Variants in MKLN1 observed in about 807,000 individuals in gnomAD.
The protein encoded by MKLN1 is muskelin.
MKLN1 carries 18 observed loss-of-function variants against 99.0 expected under a neutral mutation model. The ratio of observed to expected loss-of-function variants is 0.18; its 90% CI spans 0.13 to 0.27. The LOEUF (loss-of-function observed/expected upper bound fraction) is 0.27, where lower values mean the gene tolerates loss of function less well. Ranked by LOEUF, MKLN1 falls within the 10% of genes least tolerant of loss-of-function variation. The pLI, the probability that MKLN1 is intolerant of heterozygous loss-of-function variation, is 1.00. For missense variants in MKLN1, 621 were observed against 875.9 expected (o/e 0.71, Z 3.67); for synonymous variants, 288 against 293.2 (o/e 0.98, Z 0.18).
rs190218842 is a variant in MKLN1, at chr7:131,162,742, G to C, written c.-297+19801G>C. On this transcript the variant is annotated intron_variant, in intron 2 of 7. Coordinates refer to the MKLN1 transcript ENST00000416992. ...AATAAGAGATGCTCAACCTGTACGT[G>C]TGAAATACACATTGGACTTCGAAAA... Among the ~76,000 whole-genome samples, 343 of 152,290 alleles carry C rather than the reference G, an allele frequency of 2.3e-3. 2 individuals are homozygous for C. The highest frequency in any genetic ancestry group is 7.9e-3 in the African/African-American group (329 of 41,568).
At chr7:131,141,996 G>A (rs1365761862) in intron 1 of MKLN1, among the ~76,000 whole-genome samples, 1 of 152,174 alleles carries the variant, frequency 6.6e-6, no homozygotes, top group Non-Finnish European at 1.5e-5. Context: ...TAAATTTCCG[G>A]CTGGGTGTGG....
chr7:131,469,508 C>A (rs1278980079), intron 15 of MKLN1, among the ~76,000 whole-genome samples: 3 of 152,140 alleles, frequency 2.0e-5, no homozygotes, highest in African/African-American at 7.2e-5. Context: ...ATGGTCTTTA[C>A]CTAAAGGACT....
At chr7:131,413,599 G>A (rs1794936457) in intron 7 of MKLN1, among the ~76,000 whole-genome samples, 1 of 151,936 alleles carries the variant, frequency 6.6e-6, no homozygotes, top group Non-Finnish European at 1.5e-5. Flanking sequence ...GAGTGCAGTG[G>A]TGCAAACTCG....
chr7:131,270,632 T>G (rs927595128), intron 3 of MKLN1, among the ~76,000 whole-genome samples: 2 of 152,236 alleles, frequency 1.3e-5, no homozygotes, highest in Non-Finnish European at 2.9e-5. Context: ...ATCTATTTAT[T>G]CATTTCTTTT....
At chr7:131,323,296 G>C (rs148471362), upstream of MKLN1, 1 of 152,294 alleles carries the variant, frequency 6.6e-6, no homozygotes, top group Non-Finnish European at 1.5e-5. Context: ...AGGAAAAGGA[G>C]GGTCTGGAGG....
chr7:131,177,311 CA>C (rs1328059310), intron 2 of MKLN1, among the ~76,000 whole-genome samples: 4 of 151,738 alleles, frequency 2.6e-5, no homozygotes, highest in African/African-American at 9.7e-5. Context: ...ACTGAAAATA[CA>C]AAAAAATTAG....
chr7:131,405,299 C>T (rs1349068267), intron 6 of MKLN1, among the ~76,000 whole-genome samples: 1 of 144,008 alleles, frequency 6.9e-6, no homozygotes, highest in East Asian at 2.0e-4. Context: ...TTGGTTTGTT[C>T]ATCTTTTCTG....
chr7:131,409,460 A>G (rs541888923), intron 6 of MKLN1, among the ~76,000 whole-genome samples: 18 of 152,294 alleles, frequency 1.2e-4, no homozygotes, highest in African/African-American at 4.3e-4. Context: ...GACTTTTTGC[A>G]AGAATTTTGA....
At chr7:131,118,206 C>G (rs1795307678) in intron 1 of MKLN1, among the ~76,000 whole-genome samples, 3 of 152,142 alleles carry the variant, frequency 2.0e-5, no homozygotes, top group Admixed American at 6.5e-5. Context: ...GCTGCCCTTC[C>G]CTTCTGCCAT....
intron 1 of MKLN1, among the ~76,000 whole-genome samples, chr7:131,136,008 C>T (rs1192690363): frequency 6.6e-6 from 1 of 152,108 alleles, no homozygotes; most frequent in Non-Finnish European, 1.5e-5. Flanking sequence ...TGGGATTACT[C>T]AGGCAGTAGG....
chr7:131,200,453 G>A (rs1403467769), intron 2 of MKLN1, among the ~76,000 whole-genome samples: 1 of 152,176 alleles, frequency 6.6e-6, no homozygotes, highest in Admixed American at 6.5e-5. Flanking sequence ...TACTGATTAT[G>A]CAAATGGCAG....
chr7:131,463,883 C>T (rs1286005359), intron 13 of MKLN1, among the ~76,000 whole-genome samples: 1 of 152,180 alleles, frequency 6.6e-6, no homozygotes. Context: ...CTTCAGAGAG[C>T]TTCTCCATTC....
rs1411082181 is a variant in MKLN1 at position 131,142,951 on chromosome 7, G to T, written c.-297+10G>T. 3.8e-6 allele frequency: 5 copies of T among 1,304,736 alleles called. No individual in the cohort carries two copies. The African/African-American group carries it at 7.6e-5, about 20-fold the overall frequency. 80.8% of individuals were successfully genotyped at this position (1,304,736 alleles called of 1,614,324 possible). On this transcript the variant is annotated intron_variant, in intron 2 of 7. Coordinates refer to the MKLN1 transcript ENST00000416992. ...TGGGGATTGGAATTCGGTAAGTGTT[G>T]ATGTTTTAGTTTTTTCTTTCTTTAG...
chr7:131,166,836 C>T (rs1796133534), intron 2 of MKLN1, among the ~76,000 whole-genome samples: 1 of 152,144 alleles, frequency 6.6e-6, no homozygotes, highest in Non-Finnish European at 1.5e-5. Context: ...CAGGTGCCCA[C>T]CACCATGCTG....
intron 17 of MKLN1, among the ~76,000 whole-genome samples, chr7:131,483,324 CCCT>C (rs1181468665): frequency 1.3e-5 from 2 of 152,074 alleles, no homozygotes; most frequent in African/African-American, 4.8e-5. Context: ...CTGTATTTTA[CCCT>C]CAAGTATAAT....
In MKLN1 at chr7:131,495,691, C is replaced by T. The variant is rs1468274343; in HGVS notation, c.*7963C>T. ...TGTCCCCCCACCCTTATTTATATTC[C>T]TTTGAGCATTGCCGTTTTCTAGACA... On this transcript the variant is annotated 3_prime_UTR_variant, in exon 18 of 18. Coordinates refer to ENST00000352689, the MANE Select transcript of MKLN1 (RefSeq NM_013255.5). 2.6e-5 allele frequency: 4 copies of T among 152,216 alleles called. No homozygotes were observed. In the East Asian group the frequency reaches 7.7e-4, roughly 29 times the overall value. 9.4% of individuals were successfully genotyped at this position (152,216 alleles called of 1,614,324 possible).
intron 2 of MKLN1, among the ~76,000 whole-genome samples, chr7:131,386,330 G>T (rs1005860894): frequency 6.6e-6 from 1 of 152,096 alleles, no homozygotes; most frequent in Non-Finnish European, 1.5e-5. Context: ...AGTCCTAAAG[G>T]ATTGATGTTG....
At chr7:131,198,107 T>C (rs1479553406) in intron 2 of MKLN1, among the ~76,000 whole-genome samples, 1 of 152,224 alleles carries the variant, frequency 6.6e-6, no homozygotes, top group Non-Finnish European at 1.5e-5. Context: ...TATTGGTCTG[T>C]GGTATTCATC....
chr7:131,118,892 A>T (rs1449812937), intron 1 of MKLN1, among the ~76,000 whole-genome samples: 1 of 152,182 alleles, frequency 6.6e-6, no homozygotes, highest in East Asian at 1.9e-4. Flanking sequence ...TGGGAATTAC[A>T]ATTCAACATG....
Sources: allele counts gnomAD v4.1 joint callset (sites outside exome capture counted in the v4.1 genomes callset), GRCh38; gene constraint gnomAD v4.1.1; transcripts MANE v1.5; gene names NCBI Gene and HGNC (gene_info 2026-07-23, HGNC 2026-07-21).